DMD: variants seen among roughly 807,000 people sequenced by gnomAD.
DMD encodes the protein mutant dystrophin.
Under a neutral mutation model 330.1 loss-of-function variants are expected in DMD, and 63 were observed. That is an observed-to-expected ratio of 0.19 (90% CI 0.16 to 0.24). The LOEUF (loss-of-function observed/expected upper bound fraction) is 0.24. Ranked by LOEUF, DMD falls within the 10% of genes least tolerant of loss-of-function variation. DMD has a pLI of 1.00. For missense variants in DMD, 3,344 were observed against 2,684.1 expected, an observed-to-expected ratio of 1.25 and a Z score of -5.43; for synonymous variants, 1,223 against 959.8, an observed-to-expected ratio of 1.27 and a Z score of -5.07.
intron 2 of DMD, among the ~76,000 whole-genome samples, chrX:32,999,799 C>CAAAAAA (rs112206827): frequency 2.8e-5 from 2 of 70,805 alleles, no homozygotes; most frequent in South Asian, 1.2e-3. Flanking sequence ...AAAACAAAAA[C>CAAAAAA]AAAAAACAAA....
At chrX:32,007,718 G>A (rs1200806570) in intron 44 of DMD, among the ~76,000 whole-genome samples, 1 of 110,768 alleles carries the variant, frequency 9.0e-6, no homozygotes, top group Non-Finnish European at 1.9e-5. Context: ...GAGAAATCTT[G>A]TAAAGTCAAC....
chrX:31,881,396 C>CAAAA (rs34731646), intron 47 of DMD, among the ~76,000 whole-genome samples: 1 of 81,035 alleles, frequency 1.2e-5, no homozygotes, highest in African/African-American at 4.4e-5. Context: ...ACTAAAAATA[C>CAAAA]AAAAAAAAAA....
chrX:32,365,384 A>G (rs928940940), intron 34 of DMD, among the ~76,000 whole-genome samples, 185 bp from the exon 35 acceptor site: 93 of 111,599 alleles, frequency 8.3e-4, no homozygotes, highest in African/African-American at 2.8e-3. Flanking sequence ...CTATGAACAT[A>G]TATATGTACA....
chrX:31,389,569 G>A (rs756947749), intron 60 of DMD, among the ~76,000 whole-genome samples: 13 of 112,040 alleles, frequency 1.2e-4, no homozygotes, highest in Non-Finnish European at 2.3e-4. Context: ...TATAATCACA[G>A]ATTATCCATT....
At chrX:32,562,432 G>A (rs903725152) in intron 16 of DMD, among the ~76,000 whole-genome samples, 3 of 112,428 alleles carry the variant, frequency 2.7e-5, no homozygotes, top group Admixed American at 1.9e-4. Context: ...GCAATCATAC[G>A]CGCAAGCAGT....
In DMD at chrX:32,310,206, G is replaced by A. The variant is rs1326690953; in HGVS notation, c.5993C>T (p.Ser1998Phe). 1 of 1,209,043 alleles carries A rather than the reference G, an allele frequency of 8.3e-7. No homozygotes were observed. The highest frequency in any genetic ancestry group is 2.3e-4 in the Middle Eastern group (1 of 4,340). The change falls in exon 42 of 79, where the codon TCT becomes TTT. Residue 1998 changes from serine (S) to phenylalanine (F), a missense_variant. Physicochemically the swap from Ser to Phe is radical, Grantham distance 155. Coordinates refer to ENST00000357033, the MANE Select transcript of DMD (RefSeq NM_004006.3). ...ATGAGTGATTTCAGTCAAATAAGTA[G>A]AAGGCACATAAGAAATTTCCAAAGG... ...DMPLEISYVP[S>F]TYLTEITHVS...
At chrX:32,960,533 G>T (rs758052538) in intron 2 of DMD, among the ~76,000 whole-genome samples, 4 of 111,677 alleles carry the variant, frequency 3.6e-5, no homozygotes, top group African/African-American at 1.3e-4. Context: ...TTTAGCAAAC[G>T]TAGAGGTTTC....
chrX:33,176,789 A>G (rs2049686193), intron 1 of DMD, among the ~76,000 whole-genome samples: 1 of 110,523 alleles, frequency 9.0e-6, no homozygotes, highest in African/African-American at 3.3e-5. Context: ...TACAAAAATT[A>G]GCCGGTCATG....
intron 13 of DMD, among the ~76,000 whole-genome samples, chrX:32,581,116 G>T (rs758504009): frequency 1.8e-5 from 2 of 112,307 alleles, no homozygotes; most frequent in African/African-American, 6.5e-5. Flanking sequence ...GTGAGCCACT[G>T]AGCACGGGCT....
chrX:32,069,459 G>A lies in DMD; in HGVS notation c.6439-100945C>T, dbSNP rs182997136. Among the ~76,000 whole-genome samples, 83 of 111,548 alleles carry A rather than the reference G, an allele frequency of 7.4e-4. 1 individual carries two copies. The highest frequency in any genetic ancestry group is 2.7e-3 in the African/African-American group (82 of 30,751). On this transcript the variant is annotated intron_variant, in intron 44 of 78. Coordinates refer to ENST00000357033, the MANE Select transcript of DMD (RefSeq NM_004006.3). ...TTGAATACAATAAAATATTCTAATA[G>A]CAATAGATTTGTGGGCACTGTAACT...
chrX:32,059,090 A>G (rs1415567365), intron 44 of DMD, among the ~76,000 whole-genome samples: 1 of 111,089 alleles, frequency 9.0e-6, no homozygotes, highest in Non-Finnish European at 1.9e-5. Flanking sequence ...GGGCTGGAGG[A>G]GGGAAGAAAT....
chrX:31,341,909 A>G (rs1480213903), intron 61 of DMD, among the ~76,000 whole-genome samples: 56 of 105,190 alleles, frequency 5.3e-4, no homozygotes, highest in Admixed American at 2.0e-3. Context: ...ACACACACAC[A>G]CACACACACA....
chrX:32,425,839 A>C (rs1158801761), intron 29 of DMD, among the ~76,000 whole-genome samples: 1 of 111,397 alleles, frequency 9.0e-6, no homozygotes, highest in East Asian at 2.8e-4. Context: ...AATGCCACAC[A>C]CCTATACCCT....
At chrX:33,255,362 C>A (rs977739686) in intron 1 of DMD, among the ~76,000 whole-genome samples, 2 of 110,560 alleles carry the variant, frequency 1.8e-5, no homozygotes, top group Non-Finnish European at 3.8e-5. Flanking sequence ...TTATCCCAGA[C>A]GGAATAACAA....
At chrX:32,743,337 T>C (rs115065965) in intron 7 of DMD, among the ~76,000 whole-genome samples, 1,911 of 111,885 alleles carry the variant, frequency 0.017, 45 homozygotes, top group African/African-American at 0.058. Flanking sequence ...TCATTGACTT[T>C]CCTTCCTTCT....
At chrX:32,000,411 CAG>C (rs1424275423) in intron 44 of DMD, among the ~76,000 whole-genome samples, 1 of 111,863 alleles carries the variant, frequency 8.9e-6, no homozygotes, top group Non-Finnish European at 1.9e-5. Flanking sequence ...AAATAAAAAA[CAG>C]TGATTTATTA....
At chrX:32,321,070 ATTAT>A (rs771510535) in intron 41 of DMD, among the ~76,000 whole-genome samples, 12 of 111,957 alleles carry the variant, frequency 1.1e-4, no homozygotes, top group Non-Finnish European at 1.9e-4. Context: ...TTAAAAACCT[ATTAT>A]TGTGAATTAT....
chrX:32,514,971 G>C (rs891036739), intron 18 of DMD, among the ~76,000 whole-genome samples: 21 of 111,899 alleles, frequency 1.9e-4, no homozygotes, highest in Admixed American at 1.3e-3. Context: ...TGATAAAATG[G>C]TAGATAAGAG....
At chrX:31,407,383 C>A (rs111956347) in intron 60 of DMD, among the ~76,000 whole-genome samples, 3,312 of 109,956 alleles carry the variant, frequency 0.03, 81 homozygotes, top group East Asian at 0.14. Context: ...CCAGGCTGGT[C>A]TCGAATTCCT....
Sources: allele counts gnomAD v4.1 joint callset (sites outside exome capture counted in the v4.1 genomes callset), GRCh38; gene constraint gnomAD v4.1.1; transcripts MANE v1.5; gene names NCBI Gene and HGNC (gene_info 2026-07-23, HGNC 2026-07-21).